Variants in MEGF11 observed in about 807,000 individuals in gnomAD.
MEGF11 encodes multiple EGF like domains 11, also known as multiple epidermal growth factor-like domains protein 11.
Under a neutral mutation model 146.6 loss-of-function variants are expected in MEGF11, and 126 were observed. That is an observed-to-expected ratio of 0.86 (90% confidence interval 0.74 to 1.00). The LOEUF is 1.00. Ranked by LOEUF, MEGF11 falls within the 50% of genes least tolerant of loss-of-function variation. The pLI, the probability that MEGF11 is intolerant of heterozygous loss-of-function variation, is 0.00. For synonymous variants in MEGF11, 532 were observed against 583.4 expected (o/e 0.91, Z 1.27); for missense variants, 1,509 against 1,521.2 (o/e 0.99, Z 0.13).
intron 5 of MEGF11, among the ~76,000 whole-genome samples, chr15:66,077,772 G>A (rs894347933): frequency 6.6e-6 from 1 of 152,228 alleles, no homozygotes; most frequent in Non-Finnish European, 1.5e-5. Flanking sequence ...CAGAGTCGAG[G>A]CCCCTGGGAA....
At chr15:66,059,476 T>C (rs1346809476) in intron 5 of MEGF11, among the ~76,000 whole-genome samples, 2 of 152,028 alleles carry the variant, frequency 1.3e-5, no homozygotes, top group East Asian at 3.9e-4. Flanking sequence ...ACAGTCCAAG[T>C]GGGGATGTCA....
At chr15:66,067,107 A>C (rs1203926179) in intron 5 of MEGF11, among the ~76,000 whole-genome samples, 2 of 152,244 alleles carry the variant, frequency 1.3e-5, no homozygotes, top group African/African-American at 2.4e-5. Context: ...TAATACAGAT[A>C]AAGTGCTTAG....
chr15:66,049,161 C>A (rs1257035085), intron 5 of MEGF11, among the ~76,000 whole-genome samples: 1 of 152,176 alleles, frequency 6.6e-6, no homozygotes, highest in Admixed American at 6.5e-5. Context: ...GTATTGGCTC[C>A]CAGATGGGCT....
At chr15:66,049,899 G>A (rs8035464) in intron 5 of MEGF11, among the ~76,000 whole-genome samples, 8,781 of 152,194 alleles carry the variant, frequency 0.058, 375 homozygotes, top group African/African-American at 0.11. Context: ...CTCTGTCTCT[G>A]TAATCTATTC....
intron 1 of MEGF11, among the ~76,000 whole-genome samples, chr15:66,134,374 C>G (rs1202557409): frequency 1.3e-5 from 2 of 152,206 alleles, no homozygotes; most frequent in African/African-American, 4.8e-5. Flanking sequence ...CATTCCATTT[C>G]TCACAAAGCA....
chr15:66,058,103 A>G (rs1252121816), intron 5 of MEGF11, among the ~76,000 whole-genome samples: 2 of 152,088 alleles, frequency 1.3e-5, no homozygotes, highest in Non-Finnish European at 2.9e-5. Context: ...TAAAATGCAC[A>G]ATTGTTCTCT....
chr15:66,088,118 T>C (rs749968914), intron 5 of MEGF11, among the ~76,000 whole-genome samples: 1 of 152,194 alleles, frequency 6.6e-6, no homozygotes. Flanking sequence ...CCTTCCAGTT[T>C]AAATCAGGAA....
chr15:65,985,169 GTTTTC>G (rs1248986815), intron 5 of MEGF11, among the ~76,000 whole-genome samples: 2 of 152,182 alleles, frequency 1.3e-5, no homozygotes, highest in Non-Finnish European at 2.9e-5. Context: ...TGTAAGTTAG[GTTTTC>G]TTATTTTCCC....
chr15:66,237,416 A>C (rs954844129), intron 1 of MEGF11, among the ~76,000 whole-genome samples: 1 of 152,188 alleles, frequency 6.6e-6, no homozygotes, highest in Admixed American at 6.5e-5. Flanking sequence ...CGTCAGCAGC[A>C]TGTTTTAGTG....
At chr15:65,922,794 G>C in intron 14 of MEGF11, 29 bp downstream of exon 14, 1 of 1,611,836 alleles carries the variant, frequency 6.2e-7, no homozygotes, top group Non-Finnish European at 8.5e-7. Flanking sequence ...AGCCCTCTGA[G>C]CTCTTCGGGG....
At chr15:66,099,816 T>C (rs2086711584) in intron 4 of MEGF11, among the ~76,000 whole-genome samples, 1 of 152,058 alleles carries the variant, frequency 6.6e-6, no homozygotes, top group Admixed American at 6.5e-5. Flanking sequence ...CATTTCCAGC[T>C]CAGAGGATGA....
chr15:66,249,699 T>C (rs920381705), intron 1 of MEGF11, among the ~76,000 whole-genome samples: 1 of 152,210 alleles, frequency 6.6e-6, no homozygotes, highest in Admixed American at 6.5e-5. Flanking sequence ...TTCTACCACA[T>C]TGATTCTCAA....
At chr15:66,250,776 C>T (rs2092359993) in intron 1 of MEGF11, among the ~76,000 whole-genome samples, 1 of 151,820 alleles carries the variant, frequency 6.6e-6, no homozygotes, top group African/African-American at 2.4e-5. Flanking sequence ...GCATGGTGGC[C>T]CACACCTGTA....
At chr15:65,954,204 A>G (rs2080498297) in intron 10 of MEGF11, among the ~76,000 whole-genome samples, 1 of 152,146 alleles carries the variant, frequency 6.6e-6, no homozygotes, top group South Asian at 2.1e-4. Context: ...CTGACTACCT[A>G]TCCTAAAATC....
intron 13 of MEGF11, among the ~76,000 whole-genome samples, chr15:65,926,546 C>T (rs185459486): frequency 3.9e-5 from 6 of 152,260 alleles, no homozygotes; most frequent in South Asian, 2.1e-4. Context: ...AAGGAATGAG[C>T]GGTGTGCCAG....
intron 4 of MEGF11, among the ~76,000 whole-genome samples, chr15:66,100,570 A>T (rs2086751199): frequency 6.6e-6 from 1 of 152,110 alleles, no homozygotes; most frequent in Admixed American, 6.5e-5. Flanking sequence ...AAACATGGAC[A>T]ATGGTCCCTT....
At chr15:65,910,407 T>C (rs2078764267) in intron 21 of MEGF11, among the ~76,000 whole-genome samples, 2 of 152,142 alleles carry the variant, frequency 1.3e-5, no homozygotes. Flanking sequence ...CTGACTTGCG[T>C]GCCTTGCTCA....
chr15:66,190,626 C>T (rs926966832), intron 1 of MEGF11, among the ~76,000 whole-genome samples: 7 of 152,104 alleles, frequency 4.6e-5, no homozygotes, highest in Non-Finnish European at 8.8e-5. Context: ...AAATGCCTGA[C>T]CTGTCTGAGA....
intron 10 of MEGF11, among the ~76,000 whole-genome samples, chr15:65,947,881 AG>A (rs2141419508): frequency 6.6e-6 from 1 of 152,298 alleles, no homozygotes; most frequent in Admixed American, 6.5e-5. Flanking sequence ...CCCAGTAATG[AG>A]GGTACTGATA....
Sources: allele counts gnomAD v4.1 joint callset (sites outside exome capture counted in the v4.1 genomes callset), GRCh38; gene constraint gnomAD v4.1.1; transcripts MANE v1.5; gene names NCBI Gene and HGNC (gene_info 2026-07-23, HGNC 2026-07-21).